Variants in TTN observed in about 807,000 individuals in gnomAD.
TTN encodes the protein connectin.
A neutral mutation model predicts 3,223.0 loss-of-function variants in TTN; 1,525 were observed. The observed-to-expected ratio is 0.47, with a 90% CI of 0.45 to 0.49. The LOEUF (loss-of-function observed/expected upper bound fraction) is 0.49. Among genes scored for constraint, TTN ranks in the 20% least tolerant of loss-of-function variants. The pLI is 0.00. For synonymous variants in TTN, 14,094 were observed against 15,161.0 expected (o/e 0.93, Z 5.17); for missense variants, 40,786 against 43,424.0 (o/e 0.94, Z 5.40).
In TTN at chr2:178,734,990, T is replaced by C. The variant is rs2081191914; in HGVS notation, c.14936-2A>G. 6.5e-7 allele frequency: 1 copy of C among 1,542,220 alleles called. No homozygotes were observed. Among genetic ancestry groups the C allele is most frequent in the Non-Finnish European group, 8.7e-7 (1 of 1,145,036 alleles). On this transcript the variant is annotated splice_acceptor_variant, in intron 50 of 362. Coordinates refer to ENST00000589042, the MANE Select transcript of TTN (RefSeq NM_001267550.2). LOFTEE classifies it high-confidence loss of function. The stretch of plus-strand genomic sequence containing the variant: ...CCTTCTTCACGAAGGATGGTGGCTC[T>C]ACATGAAGTTTACAAAAAAGAAAAA...
chr2:178,802,354 A>T lies in TTN; in HGVS notation c.92-13T>A, dbSNP rs567673679. On this transcript the variant is annotated splice_polypyrimidine_tract_variant and intron_variant, in intron 2 of 362. Coordinates refer to ENST00000589042, the MANE Select transcript of TTN (RefSeq NM_001267550.2). ...GGAACTGGAAAACCTGAAGAGCAAG[A>T]ACAATTCACCTTTATGTTTGAATGG... 1 of 1,612,102 alleles carries T rather than the reference A, an allele frequency of 6.2e-7. No homozygotes were observed. Among genetic ancestry groups the T allele is most frequent in the African/African-American group, 1.3e-5 (1 of 75,020 alleles).
intron 330 of TTN, chr2:178,556,645 A>C (rs950778907): frequency 1.7e-6 from 1 of 605,030 alleles, no homozygotes; most frequent in Non-Finnish European, 2.8e-6. Context: ...TGAGGTCTAA[A>C]TCTCTCACTT....
rs1257523777 is a variant in TTN at position 178,634,715 on chromosome 2, C to T, written c.42151+8G>A. ...GAGACCCCTCCCCAAATTCTAAAAG[C>T]CCCATACCTTTTACTGTCAAAATGG... On this transcript the variant is annotated splice_region_variant and intron_variant, in intron 229 of 362. Coordinates refer to ENST00000589042, the MANE Select transcript of TTN (RefSeq NM_001267550.2). This position sits in a 1 kb window ranked among gnomAD's most constrained non-coding sequence, Gnocchi z 4.6. 6.2e-7 allele frequency: 1 copy of T among 1,612,836 alleles called. No individual in the cohort carries two copies. Among genetic ancestry groups the T allele is most frequent in the African/African-American group, 1.3e-5 (1 of 74,786 alleles).
At chr2:178,699,893 AATTTTTTGT>A (rs1384464410) in intron 111 of TTN, among the ~76,000 whole-genome samples, 3 of 145,694 alleles carry the variant, frequency 2.1e-5, no homozygotes, top group Non-Finnish European at 4.5e-5. Context: ...ACGCCCGGCT[AATTTTTTGT>A]ATTTTTAGTA....
rs756764696 is a variant in TTN at position 178,579,050 on chromosome 2, G to A, written c.67980C>T (p.Ala22660=). The part of the protein sequence containing the change: ...PIKFDEVTAE[A]MTLKWAPPKD... ...TTGGAGGAGCCCACTTTAAGGTCAT[G>A]GCTTCTGCTGTGACTTCATCAAATT... Residue 22660 remains alanine, a synonymous_variant, in exon 320 of 363, where the codon GCC becomes GCT. Transcript: ENST00000589042. 12 of 1,613,118 alleles carry A rather than the reference G, an allele frequency of 7.4e-6. No individual in the cohort carries two copies. The highest frequency in any genetic ancestry group is 1.3e-5 in the African/African-American group (1 of 74,876).
rs1206473213 is a variant in TTN, at chr2:178,618,771, G to A, written c.46779C>T (p.Ala15593=). The change falls in exon 251 of 363, where the codon GCC becomes GCT. Residue 15593 remains alanine (A), a synonymous_variant. Coordinates refer to ENST00000589042, the MANE Select transcript of TTN (RefSeq NM_001267550.2). The part of the protein sequence containing the change: ...KPLTMVVPYD[A]YPKAEAEWFK... ...ACCATTCAGCTTCTGCTTTGGGGTA[G>A]GCATCATATGGCACCACCATTGTCA... The A allele has an allele frequency of 1.6e-5, 26 of 1,611,504 alleles. No individual in the cohort carries two copies. Among genetic ancestry groups the A allele is most frequent in the Non-Finnish European group, 2.1e-5 (25 of 1,178,738 alleles).
rs184754281 is a variant in TTN, at chr2:178,692,724, A to T, written c.31595-144T>A. On this transcript the variant is annotated intron_variant, in intron 119 of 362. Transcript: ENST00000589042. Reference sequence around the variant, plus strand: ...GCTTTAGAAATGAGAGTAAATGAAGATGGCTGAATGGCTAATTAGAAAATG... The same window carrying T: ...GCTTTAGAAATGAGAGTAAATGAAGTTGGCTGAATGGCTAATTAGAAAATG... The T allele has an allele frequency of 1.6e-4, 92 of 584,602 alleles. No individual in the cohort carries two copies. In the African/African-American group the frequency reaches 1.6e-3, roughly 10 times the overall value. The allele number at this position is 584,602 out of a possible 1,614,324, so 36.2% of individuals were successfully genotyped here. A position where few individuals can be genotyped will look rare whatever the true frequency, so the allele number is the denominator to read the frequency against.
At chr2:178,763,242 T>C (rs1341797900) in intron 43 of TTN, among the ~76,000 whole-genome samples, 1 of 152,200 alleles carries the variant, frequency 6.6e-6, no homozygotes, top group Non-Finnish European at 1.5e-5. Flanking sequence ...CAAGATCAGA[T>C]TCCTGGGATG....
chr2:178,755,550 C>G (rs2086692004), intron 46 of TTN, among the ~76,000 whole-genome samples: 1 of 152,166 alleles, frequency 6.6e-6, no homozygotes, highest in Non-Finnish European at 1.5e-5. Context: ...ATTCTCCTGG[C>G]CTCAGCCTCC....
In TTN at chr2:178,573,546, G is replaced by A. The variant is rs185626486; in HGVS notation, c.72586C>T (p.Arg24196Cys). 3.8e-5 allele frequency: 57 copies of A among 1,495,746 alleles called. No homozygotes were observed. In the East Asian group the frequency reaches 5.6e-4, roughly 15 times the overall value. 92.7% of individuals were successfully genotyped at this position (1,495,746 alleles called of 1,614,324 possible). Residue 24196 changes from arginine to cysteine, a missense_variant, in exon 326 of 363, where the codon CGT becomes TGT. Coordinates refer to ENST00000589042, the MANE Select transcript of TTN (RefSeq NM_001267550.2). Reference protein sequence around the residue: ...KLLKGNEYIFRVMAVNKYGVG... With the variant: ...KLLKGNEYIFCVMAVNKYGVG... ...CCATATTTATTTACAGCCATGACAC[G>A]GAATATGTATTCATTGCCTTTCAAG... is the stretch of plus-strand genomic sequence containing the variant.
In TTN at chr2:178,536,404, C is replaced by T. The variant is rs1315622743; in HGVS notation, c.100343G>A (p.Arg33448Gln). 8.7e-6 allele frequency: 14 copies of T among 1,613,608 alleles called. No homozygotes were observed. The highest frequency in any genetic ancestry group is 1.1e-5 in the Non-Finnish European group (13 of 1,179,702). Residue 33448 changes from arginine to glutamine, a missense_variant, in exon 357 of 363, where the codon CGA (arginine) becomes CAA (glutamine). Arg to Gln is a conservative substitution (Grantham distance 43). Transcript: ENST00000589042. ...KWISVTTEEI[R>Q]ETVFSVKNLI... Reference sequence around the variant, plus strand: ...GTTTTTCACTGAAAAGACAGTTTCTCGAATTTCTTCTGTTGTCACAGAAAT... The same window carrying T: ...GTTTTTCACTGAAAAGACAGTTTCTTGAATTTCTTCTGTTGTCACAGAAAT...
chr2:178,738,124 C>T lies in TTN; in HGVS notation c.14329G>A (p.Glu4777Lys), dbSNP rs1405978578. 1 of 1,613,766 alleles carries T rather than the reference C, an allele frequency of 6.2e-7. No homozygotes were observed. The highest frequency in any genetic ancestry group is 1.3e-5 in the African/African-American group (1 of 75,052). The change falls in exon 49 of 363, where the codon GAG (glutamate) becomes AAG (lysine). Residue 4777 changes from glutamate to lysine, a missense_variant. Transcript: ENST00000589042. The stretch of plus-strand genomic sequence containing the variant: ...GCTGTACAGCTGACACTGCCATACT[C>T]ATTGGAAGCTTTGCATGTATACTCG... ...CGEYTCKASN[E>K]YGSVSCTATL...
chr2:178,684,392 A>G lies in TTN; in HGVS notation c.32660T>C (p.Ile10887Thr), dbSNP rs371538856. The G allele has an allele frequency of 1.9e-5, 30 of 1,613,610 alleles. 1 individual carries two copies. The African/African-American group carries it at 3.9e-4, about 21-fold the overall frequency. ...AACAAGAACTTTTTCTTCCTGGGTA[A>G]TTTGCATGTGCCTCTCAGTCACTTA... ...PAKVTERHMQ[I>T]TQEEKVLVAV... Residue 10887 changes from isoleucine (I) to threonine (T), a missense_variant, in exon 132 of 363, where the codon ATT (isoleucine) becomes ACT (threonine). By Grantham distance (89) the Ile-to-Thr change is moderately conservative (BLOSUM62 -1). Transcript: ENST00000589042.
rs1012450335 is a variant in TTN at position 178,616,628 on chromosome 2, G to A, written c.48163C>T (p.Arg16055Cys). The change falls in exon 257 of 363, where the codon CGC becomes TGC. Residue 16055 changes from arginine to cysteine, a missense_variant and splice_region_variant. Arg to Cys is a radical substitution (Grantham distance 180). Coordinates refer to ENST00000589042, the MANE Select transcript of TTN (RefSeq NM_001267550.2). ...TTCAATTCTTTGGGTGCACTTGGGC[G>A]AGCTGAAAAAAAATGCACTCACGAG... ...SGEIDVNVIA[R>C]PSAPKELKFG... 7.4e-6 allele frequency: 12 copies of A among 1,611,068 alleles called. 1 individual carries two copies. The highest frequency in any genetic ancestry group is 4.4e-5 in the South Asian group (4 of 90,762).
In TTN at chr2:178,625,145, A is replaced by C. The variant is rs1295177184; in HGVS notation, c.44548+128T>G. 6 of 1,332,144 alleles carry C rather than the reference A, an allele frequency of 4.5e-6. No homozygotes were observed. In the East Asian group the frequency reaches 1.1e-4, roughly 24 times the overall value. 82.5% of individuals were successfully genotyped at this position (1,332,144 alleles called of 1,614,324 possible). On this transcript the variant is annotated intron_variant, in intron 241 of 362. Transcript: ENST00000589042. ...ATTATTTTGTTATGCTAAAAAGTAA[A>C]ATCAGACTTTTGATTATTTGGTTGA...
Position 178,602,429 on chromosome 2 carries a change from G to T in TTN, c.54973C>A (p.Pro18325Thr). The change falls in exon 283 of 363, where the codon CCA becomes ACA. Residue 18325 changes from proline to threonine, a missense_variant. Pro to Thr is a conservative substitution (Grantham distance 38). Coordinates refer to ENST00000589042, the MANE Select transcript of TTN (RefSeq NM_001267550.2). ...TCACAGGTAGTTATAAGTTTGTCTG[G>T]TTCATTTACTCTTTTCCAGTCAGTA... is the stretch of plus-strand genomic sequence containing the variant. ...GTTDWKRVNE[P>T]DKLITTCECV... 7 of 1,612,572 alleles carry T rather than the reference G, an allele frequency of 4.3e-6. No individual in the cohort carries two copies. Among genetic ancestry groups the T allele is most frequent in the Non-Finnish European group, 5.1e-6 (6 of 1,179,196 alleles).
intron 102 of TTN, 61 bp from the exon 103 acceptor site, chr2:178,705,418 A>G (rs2075705111): frequency 1.6e-6 from 2 of 1,271,542 alleles, no homozygotes; most frequent in Non-Finnish European, 2.1e-6. Context: ...TTAATTGTCT[A>G]TCATCATTCA....
In TTN at chr2:178,776,799, A is replaced by T. The variant is rs2092274640; in HGVS notation, c.5065T>A (p.Trp1689Arg). The change falls in exon 28 of 363, where the codon TGG (tryptophan) becomes AGG (arginine). Residue 1689 changes from tryptophan (W) to arginine (R), a missense_variant. Coordinates refer to ENST00000589042, the MANE Select transcript of TTN (RefSeq NM_001267550.2). ...TTGTCATAGAGATCACCTTCTTCCC[A>T]TTGCTCTTGGCCATATCGCAAATGG... ...PLHLRYGQEQ[W>R]EEGDLYDKEK... is the part of the protein sequence containing the mutation. 1 of 1,613,984 alleles carries T rather than the reference A, an allele frequency of 6.2e-7. No individual in the cohort carries two copies. The highest frequency in any genetic ancestry group is 1.3e-5 in the African/African-American group (1 of 74,910).
chr2:178,573,812 G>T lies in TTN; in HGVS notation c.72320C>A (p.Pro24107His). 6.2e-7 allele frequency: 1 copy of T among 1,611,680 alleles called. No homozygotes were observed. Among genetic ancestry groups the T allele is most frequent in the Non-Finnish European group, 8.5e-7 (1 of 1,178,444 alleles). ...GAAAATGTGTTTAGCAAAGCCACCA[G>T]GATTAGTCGCTGTAAGGGTATAGGC... ...SGAYTLTATN[P>H]GGFAKHIFNV... The change falls in exon 326 of 363, where the codon CCT becomes CAT. Residue 24107 changes from proline to histidine, a missense_variant. Pro to His is a moderately conservative substitution (Grantham distance 77). Transcript: ENST00000589042.
Sources: gnomAD v4.1 joint callset for allele counts (sites outside exome capture counted in the v4.1 genomes callset) on GRCh38, gnomAD v4.1.1 for gene constraint, Gnocchi (gnomAD v3.1) non-coding constraint, MANE v1.5 for transcripts, NCBI Gene and HGNC (gene_info 2026-07-23, HGNC 2026-07-21) for gene names.